The following EMC9 variants were observed in gnomAD, a reference collection of about 807,000 sequenced individuals.
The protein encoded by EMC9 is ER membrane protein complex subunit 9, also known as UPF0172 protein FAM158A.
In EMC9, 20 loss-of-function variants were observed where a neutral mutation model predicts 25.0. That is an observed-to-expected ratio of 0.80 (90% CI 0.56 to 1.16). The LOEUF is 1.16. Ranked by LOEUF, EMC9 falls within the 50% of genes most tolerant of loss-of-function variation. The pLI, the probability that EMC9 is intolerant of heterozygous loss-of-function variation, is 0.00. For synonymous variants in EMC9, 100 were observed against 107.0 expected, an observed-to-expected ratio of 0.93 and a Z score of 0.40; for missense variants, 256 against 268.7, an observed-to-expected ratio of 0.95 and a Z score of 0.33.
Position 24,140,937 on chromosome 14 carries a change from A to G in EMC9, c.227T>C (p.Leu76Pro), listed in dbSNP as rs998028248. 5 of 1,614,122 alleles carry G rather than the reference A, an allele frequency of 3.1e-6. No homozygotes were observed. In the African/African-American group the frequency reaches 5.3e-5, roughly 17 times the overall value. ...GGCATGGTAGTAACCAGCCACCACCAGACCGGCCTGTGCTCCCCACACATC... is the reference window on the plus strand; with the variant it reads ...GGCATGGTAGTAACCAGCCACCACCGGACCGGCCTGTGCTCCCCACACATC... ...QVDVWGAQAG[L>P]VVAGYYHANA... Residue 76 changes from leucine to proline, a missense_variant, in exon 3 of 6, where the codon CTG becomes CCG. Leu to Pro is a moderately conservative substitution (Grantham distance 98). Transcript: ENST00000216799.
intron 1 of EMC9, 33 bp from the exon 2 acceptor site, chr14:24,141,349 G>A (rs2139059684): frequency 1.9e-6 from 3 of 1,602,022 alleles, no homozygotes; most frequent in East Asian, 4.5e-5. Context: ...GATTAGTACC[G>A]GATTAGGCGA....
chr14:24,139,481 G>C lies in EMC9; in HGVS notation c.346-27C>G. On this transcript the variant is annotated intron_variant, in intron 4 of 5. Coordinates refer to ENST00000216799, the MANE Select transcript of EMC9 (RefSeq NM_016049.4). The surrounding 1 kb of genome is among the most constrained non-coding windows in gnomAD (Gnocchi z 4.6). Reference sequence around the variant, plus strand: ...TGAGTGGACAAAGATGGGCAAGTGAGAGTTTCAAGGGTCCCCCCACCCTAC... The same window carrying C: ...TGAGTGGACAAAGATGGGCAAGTGACAGTTTCAAGGGTCCCCCCACCCTAC... 6.2e-7 allele frequency: 1 copy of C among 1,613,870 alleles called. No individual in the cohort carries two copies. Among genetic ancestry groups the C allele is most frequent in the Non-Finnish European group, 8.5e-7 (1 of 1,179,838 alleles).
Position 24,139,129 on chromosome 14 carries a change from G to A in EMC9, c.508C>T (p.Gln170Ter). 2 of 1,614,162 alleles carry A rather than the reference G, an allele frequency of 1.2e-6. No homozygotes were observed. Among genetic ancestry groups the A allele is most frequent in the Admixed American group, 1.7e-5 (1 of 60,020 alleles). ...VGALLEDRAH[Q>*]HLVDFDCHLD... ...TGGCAGTCAAAGTCCACAAGGTGCT[G>A]GTGGGCCCGATCTTCCAGTAGAGCT... Residue 170 changes from glutamine (Q) to a stop codon, truncating the protein, a stop_gained, in exon 6 of 6, where the codon CAG becomes TAG. Transcript: ENST00000216799. LOFTEE classifies it high-confidence loss of function. This position sits in a 1 kb window ranked among gnomAD's most constrained non-coding sequence, Gnocchi z 4.6.
chr14:24,140,018 T>A, intron 3 of EMC9: 2 of 368,316 alleles, frequency 5.4e-6, no homozygotes, highest in South Asian at 4.1e-5. Flanking sequence ...TAGAGTACAT[T>A]CATATTCAGA....
chr14:24,141,426 G>T lies in EMC9; in HGVS notation c.-13+12C>A. The T allele has an allele frequency of 1.9e-6, 2 of 1,050,522 alleles. No individual in the cohort carries two copies. Among genetic ancestry groups the T allele is most frequent in the Non-Finnish European group, 2.8e-6 (2 of 714,368 alleles). The allele number at this position is 1,050,522 out of a possible 1,614,324, so 65.1% of individuals were successfully genotyped here. A position where few individuals can be genotyped will look rare whatever the true frequency, so the allele number is the denominator to read the frequency against. On this transcript the variant is annotated intron_variant, in intron 1 of 5. Transcript: ENST00000216799. ...TCGGCACGCTCTTTGACCCTTCCCC[G>T]TGCCCTCTCACTTCGGTTCGGCGAC... is the stretch of plus-strand genomic sequence containing the variant.
Position 24,139,835 on chromosome 14 carries a change from A to G in EMC9, c.276-221T>C. 7 of 1,419,472 alleles carry G rather than the reference A, an allele frequency of 4.9e-6. No individual in the cohort carries two copies. The highest frequency in any genetic ancestry group is 6.7e-6 in the Non-Finnish European group (7 of 1,039,754). 87.9% of individuals were successfully genotyped at this position (1,419,472 alleles called of 1,614,324 possible). ...GATATTGCTGGTGAGAGTGGAAACC[A>G]AAGGTGGTCTTTTTGGAAGGTAATT... On this transcript the variant is annotated intron_variant, in intron 3 of 5. Transcript: ENST00000216799. This position sits in a 1 kb window ranked among gnomAD's most constrained non-coding sequence, Gnocchi z 4.6.
At position 24,141,163 on chromosome 14, in the gene EMC9, G is replaced by T; in HGVS notation, c.142C>A (p.Pro48Thr). The T allele has an allele frequency of 1.2e-6, 2 of 1,614,106 alleles. No individual in the cohort carries two copies. The highest frequency in any genetic ancestry group is 1.6e-4 in the Middle Eastern group (1 of 6,062). ...AGGGCCAGGTGGCTGTGGAAGAGGG[G>T]CACACAGTCGGTGAGGCACAGGCAT... Reference protein sequence around the residue: ...GECLCLTDCVPLFHSHLALSV... With the variant: ...GECLCLTDCVTLFHSHLALSV... The change falls in exon 2 of 6, where the codon CCC becomes ACC. Residue 48 changes from proline (P) to threonine (T), a missense_variant. Pro to Thr is a conservative substitution (Grantham distance 38, BLOSUM62 -1). Transcript: ENST00000216799.
chr14:24,141,366 G>A, intron 1 of EMC9, 50 bp from the exon 2 acceptor site: 1 of 1,554,788 alleles, frequency 6.4e-7, no homozygotes, highest in Non-Finnish European at 8.8e-7. Flanking sequence ...GCGAGCCGGT[G>A]CCTAGCTCGC....
Position 24,139,215 on chromosome 14 carries a change from T to G in EMC9, c.441-19A>C. ...CATCACTCTGAAATAGTAACCCCCA[T>G]GGAGGTCAAACAGCAAGTAGTGGGT... On this transcript the variant is annotated intron_variant, in intron 5 of 5. Coordinates refer to ENST00000216799, the MANE Select transcript of EMC9 (RefSeq NM_016049.4). The surrounding 1 kb of genome is among the most constrained non-coding windows in gnomAD (Gnocchi z 4.6). 1 of 1,613,200 alleles carries G rather than the reference T, an allele frequency of 6.2e-7. No homozygotes were observed. Among genetic ancestry groups the G allele is most frequent in the Non-Finnish European group, 8.5e-7 (1 of 1,179,356 alleles).
In EMC9 at chr14:24,139,822, G is replaced by T. The variant is rs1226808468; in HGVS notation, c.276-208C>A. 9 of 1,485,222 alleles carry T rather than the reference G, an allele frequency of 6.1e-6. No individual in the cohort carries two copies. Among genetic ancestry groups the T allele is most frequent in the Non-Finnish European group, 8.2e-6 (9 of 1,095,540 alleles). The allele number at this position is 1,485,222 out of a possible 1,614,324, so 92.0% of individuals were successfully genotyped here. On this transcript the variant is annotated intron_variant, in intron 3 of 5. Coordinates refer to ENST00000216799, the MANE Select transcript of EMC9 (RefSeq NM_016049.4). The surrounding 1 kb of genome is among the most constrained non-coding windows in gnomAD (Gnocchi z 4.6). Reference sequence around the variant, plus strand: ...AGACAGGTGCTCAGATATTGCTGGTGAGAGTGGAAACCAAAGGTGGTCTTT... The same window carrying T: ...AGACAGGTGCTCAGATATTGCTGGTTAGAGTGGAAACCAAAGGTGGTCTTT...
chr14:24,139,362 G>T lies in EMC9; in HGVS notation c.438C>A (p.Asn146Lys). ...GGTAGAGGGAGTGGGGTACTCACAA[G>T]TTCTTATCCTTAGGGACCCAGCGGA... ...QGLRWVPKDK[N>K]LVMWRDWEES... The change falls in exon 5 of 6, where the codon AAC (asparagine) becomes AAA (lysine). Residue 146 changes from asparagine to lysine, a missense_variant and splice_region_variant. By Grantham distance (94) the Asn-to-Lys change is moderately conservative. Coordinates refer to ENST00000216799, the MANE Select transcript of EMC9 (RefSeq NM_016049.4). The surrounding 1 kb of genome is among the most constrained non-coding windows in gnomAD (Gnocchi z 4.6). The T allele has an allele frequency of 6.2e-7, 1 of 1,614,100 alleles. No individual in the cohort carries two copies. The highest frequency in any genetic ancestry group is 1.3e-5 in the African/African-American group (1 of 75,048).
Position 24,139,525 on chromosome 14 carries a change from C to A in EMC9, c.345+20G>T, listed in dbSNP as rs376939765. ...ACCCTACTTGCTTTTCACCTCCCCA[C>A]CCAGAAACCCAAGCCTCACCATAAT... On this transcript the variant is annotated intron_variant, in intron 4 of 5. Coordinates refer to ENST00000216799, the MANE Select transcript of EMC9 (RefSeq NM_016049.4). The surrounding 1 kb of genome is among the most constrained non-coding windows in gnomAD (Gnocchi z 4.6). 3 of 1,612,512 alleles carry A rather than the reference C, an allele frequency of 1.9e-6. No homozygotes were observed. The African/African-American group carries it at 4.0e-5, about 22-fold the overall frequency.
At position 24,140,952 on chromosome 14, in the gene EMC9, C is replaced by G; in HGVS notation, c.212G>C (p.Gly71Ala). ...AGCCACCACCAGACCGGCCTGTGCT[C>G]CCCACACATCCACCTGTCGTAGGAA... is the stretch of plus-strand genomic sequence containing the variant. Reference protein sequence around the residue: ...EVALNQVDVWGAQAGLVVAGY... With the variant: ...EVALNQVDVWAAQAGLVVAGY... Residue 71 changes from glycine to alanine, a missense_variant, in exon 3 of 6, where the codon GGA (glycine) becomes GCA (alanine). Coordinates refer to ENST00000216799, the MANE Select transcript of EMC9 (RefSeq NM_016049.4). 6.2e-7 allele frequency: 1 copy of G among 1,614,266 alleles called. No individual in the cohort carries two copies. Among genetic ancestry groups the G allele is most frequent in the Non-Finnish European group, 8.5e-7 (1 of 1,180,046 alleles).
chr14:24,140,758 A>G, intron 3 of EMC9, 131 bp downstream of exon 3: 1 of 954,572 alleles, frequency 1.0e-6, no homozygotes, highest in Middle Eastern at 2.2e-4. Flanking sequence ...TGAAGGAAAG[A>G]TAAAAGGAAC....
At position 24,139,718 on chromosome 14, in the gene EMC9, C is replaced by T; in HGVS notation, c.276-104G>A. 2 of 1,552,446 alleles carry T rather than the reference C, an allele frequency of 1.3e-6. No individual in the cohort carries two copies. ...TCATAGGTGTGGGCGCAGCTGTGGC[C>T]TTTCCCTGTAGGTGGCCTGCGGGGA... On this transcript the variant is annotated intron_variant, in intron 3 of 5. Coordinates refer to ENST00000216799, the MANE Select transcript of EMC9 (RefSeq NM_016049.4). The surrounding 1 kb of genome is among the most constrained non-coding windows in gnomAD (Gnocchi z 4.6).
Position 24,139,152 on chromosome 14 carries a change from G to T in EMC9, c.485C>A (p.Ala162Asp). 2 of 1,614,182 alleles carry T rather than the reference G, an allele frequency of 1.2e-6. No homozygotes were observed. Among genetic ancestry groups the T allele is most frequent in the Non-Finnish European group, 1.7e-6 (2 of 1,180,028 alleles). Residue 162 changes from alanine (A) to aspartate (D), a missense_variant, in exon 6 of 6, where the codon GCT becomes GAT. Coordinates refer to ENST00000216799, the MANE Select transcript of EMC9 (RefSeq NM_016049.4). This position sits in a 1 kb window ranked among gnomAD's most constrained non-coding sequence, Gnocchi z 4.6. ...CTGGTGGGCCCGATCTTCCAGTAGA[G>T]CTCCCACCATCTGCCGTGACTCTTC... ...DWEESRQMVGALLEDRAHQHL... is the reference protein window; with the variant it reads ...DWEESRQMVGDLLEDRAHQHL...
rs2139058973 is a variant in EMC9, at chr14:24,141,214, A to G, written c.91T>C (p.Leu31=). 6.2e-7 allele frequency: 1 copy of G among 1,614,222 alleles called. No homozygotes were observed. The highest frequency in any genetic ancestry group is 1.7e-4 in the Middle Eastern group (1 of 6,060). The change falls in exon 2 of 6, where the codon TTG becomes CTG. Residue 31 remains leucine, a synonymous_variant. Coordinates refer to ENST00000216799, the MANE Select transcript of EMC9 (RefSeq NM_016049.4). ...TCTCCAGACCGCGGCGCTGGCGCCAAAAACAGCCCGTTGACTGCGGCGTGT... is the reference window on the plus strand; with the variant it reads ...TCTCCAGACCGCGGCGCTGGCGCCAGAAACAGCCCGTTGACTGCGGCGTGT... ...YPHAAVNGLF[L]APAPRSGECL...
chr14:24,139,060 T>A lies in EMC9; in HGVS notation c.577A>T (p.Thr193Ser). ...RQDWTNQRLN[T>S]QITQWVGPTN... ...GGACCAACCCACTGGGTGATTTGAG[T>A]GTTGAGCCGCTGGTTGGTCCAGTCC... Residue 193 changes from threonine (T) to serine (S), a missense_variant, in exon 6 of 6, where the codon ACT becomes TCT. Transcript: ENST00000216799. This position sits in a 1 kb window ranked among gnomAD's most constrained non-coding sequence, Gnocchi z 4.6. The A allele has an allele frequency of 6.2e-7, 1 of 1,613,778 alleles. No homozygotes were observed. The highest frequency in any genetic ancestry group is 8.5e-7 in the Non-Finnish European group (1 of 1,180,002).
rs1005251996 is a variant in EMC9, at chr14:24,139,808, C to T, written c.276-194G>A. ...TTGAGTGCTGTGGGAGACAGGTGCT[C>T]AGATATTGCTGGTGAGAGTGGAAAC... is the stretch of plus-strand genomic sequence containing the variant. On this transcript the variant is annotated intron_variant, in intron 3 of 5. Transcript: ENST00000216799. This position sits in a 1 kb window ranked among gnomAD's most constrained non-coding sequence, Gnocchi z 4.6. 12 of 1,511,576 alleles carry T rather than the reference C, an allele frequency of 7.9e-6. No homozygotes were observed. In the African/African-American group the frequency reaches 1.4e-4, roughly 17 times the overall value. The allele number at this position is 1,511,576 out of a possible 1,614,324, so 93.6% of individuals were successfully genotyped here. A position where few individuals can be genotyped will look rare whatever the true frequency, so the allele number is the denominator to read the frequency against.
Sources: gnomAD v4.1 joint callset for allele counts on GRCh38, gnomAD v4.1.1 for gene constraint, Gnocchi (gnomAD v3.1) non-coding constraint, MANE v1.5 for transcripts, NCBI Gene and HGNC (gene_info 2026-07-23, HGNC 2026-07-21) for gene names.